Variants in NXPH1 observed in about 807,000 individuals in gnomAD.
The protein encoded by NXPH1 is neurexophilin 1, also known as neurexophilin-1.
A neutral mutation model predicts 23.7 loss-of-function variants in NXPH1; 5 were observed. That is an observed-to-expected ratio of 0.21 (90% CI 0.11 to 0.44). The LOEUF (loss-of-function observed/expected upper bound fraction) is 0.44. NXPH1 is among the 20% of genes least tolerant of loss of function. The pLI is 0.99. For synonymous variants in NXPH1, 144 were observed against 122.2 expected, an observed-to-expected ratio of 1.18 and a Z score of -1.18; for missense variants, 324 against 321.6, an observed-to-expected ratio of 1.01 and a Z score of -0.06.
In NXPH1 at chr7:8,541,428, T is replaced by C. The variant is rs144223708; in HGVS notation, c.54+105661T>C. On this transcript the variant is annotated intron_variant, in intron 2 of 2. Transcript: ENST00000405863. ...TTGGAAAGAAAGATATTTGAAGAAA[T>C]GATGCTTAAAATTGTTCCAATTTTG... is the stretch of plus-strand genomic sequence containing the variant. Among the ~76,000 whole-genome samples the C allele has an allele frequency of 3.6e-4, 55 of 151,654 alleles. No individual in the cohort carries two copies. The East Asian group carries it at 0.01, about 28-fold the overall frequency.
intron 2 of NXPH1, among the ~76,000 whole-genome samples, chr7:8,687,775 G>C (rs937681298): frequency 1.3e-5 from 2 of 152,110 alleles, no homozygotes; most frequent in Non-Finnish European, 2.9e-5. Flanking sequence ...TTCAAGGTTA[G>C]CTAGTATCAT....
intron 2 of NXPH1, among the ~76,000 whole-genome samples, chr7:8,514,313 T>C (rs116364326): frequency 6.6e-6 from 1 of 152,162 alleles, no homozygotes; most frequent in Non-Finnish European, 1.5e-5. Flanking sequence ...CCGACATTTT[T>C]AAAGCCTTAT....
intron 2 of NXPH1, among the ~76,000 whole-genome samples, chr7:8,441,511 G>A (rs746654599): frequency 2.0e-5 from 3 of 152,088 alleles, no homozygotes; most frequent in African/African-American, 7.2e-5. Context: ...GGATAAAAAG[G>A]TTCCGTTGTA....
At chr7:8,591,251 T>C (rs1337720599) in intron 2 of NXPH1, among the ~76,000 whole-genome samples, 1 of 152,084 alleles carries the variant, frequency 6.6e-6, no homozygotes, top group Non-Finnish European at 1.5e-5. Flanking sequence ...AAGATTGTTA[T>C]TCCTATTTTG....
At chr7:8,458,781 A>C (rs1299498386) in intron 2 of NXPH1, among the ~76,000 whole-genome samples, 4 of 152,190 alleles carry the variant, frequency 2.6e-5, no homozygotes, top group African/African-American at 9.7e-5. Context: ...AAAGAGAGAA[A>C]AGTAGGGTTT....
At chr7:8,508,679 C>T (rs144797435) in intron 2 of NXPH1, among the ~76,000 whole-genome samples, 102 of 152,024 alleles carry the variant, frequency 6.7e-4, no homozygotes, top group African/African-American at 2.3e-3. Context: ...TCCTGGAGTT[C>T]AGAGGCTACA....
chr7:8,718,039 G>A (rs1414880997), intron 2 of NXPH1, among the ~76,000 whole-genome samples: 1 of 151,928 alleles, frequency 6.6e-6, no homozygotes, highest in African/African-American at 2.4e-5. Context: ...ATACATTAAT[G>A]TATTTCTGGT....
intron 2 of NXPH1, among the ~76,000 whole-genome samples, chr7:8,448,308 G>A (rs1048131357): frequency 6.6e-6 from 1 of 152,190 alleles, no homozygotes; most frequent in Non-Finnish European, 1.5e-5. Flanking sequence ...AAAAAGTCTT[G>A]CTAACATTTT....
chr7:8,744,560 A>G (rs1263181062), intron 2 of NXPH1, among the ~76,000 whole-genome samples: 3 of 152,174 alleles, frequency 2.0e-5, no homozygotes, highest in African/African-American at 4.8e-5. Context: ...TTCTTGCACA[A>G]TACCATCTAC....
chr7:8,679,979 C>T (rs1417878553), intron 2 of NXPH1, among the ~76,000 whole-genome samples: 1 of 152,250 alleles, frequency 6.6e-6, no homozygotes, highest in East Asian at 1.9e-4. Flanking sequence ...AGAGATTGTG[C>T]CATTGCACTC....
rs191568754 is a variant in NXPH1 at position 8,495,044 on chromosome 7, T to C, written c.54+59277T>C. Among the ~76,000 whole-genome samples, 283 of 152,174 alleles carry C rather than the reference T, an allele frequency of 1.9e-3. 2 individuals are homozygous for C. Among genetic ancestry groups the C allele is most frequent in the African/African-American group, 6.5e-3 (272 of 41,540 alleles). On this transcript the variant is annotated intron_variant, in intron 2 of 2. Transcript: ENST00000405863. ...AAATGGAAGTTTCAGCAAGATATCA[T>C]GGATTAGTTAGGTTTCTCCAGAGTA...
chr7:8,690,952 A>G (rs1307895050), intron 2 of NXPH1, among the ~76,000 whole-genome samples: 1 of 152,128 alleles, frequency 6.6e-6, no homozygotes, highest in Non-Finnish European at 1.5e-5. Context: ...ATTTGAATGA[A>G]GTCTCCTCAA....
At chr7:8,662,686 A>G (rs1448106318) in intron 2 of NXPH1, among the ~76,000 whole-genome samples, 12 of 152,052 alleles carry the variant, frequency 7.9e-5, no homozygotes, top group Non-Finnish European at 1.6e-4. Context: ...TAGCAAGTAA[A>G]TAAGTATCAG....
intron 2 of NXPH1, among the ~76,000 whole-genome samples, chr7:8,476,461 T>G (rs1174760625): frequency 7.1e-6 from 1 of 141,372 alleles, no homozygotes; most frequent in Non-Finnish European, 1.5e-5. Context: ...CGCAATTCAT[T>G]TTTTTTTTTC....
At chr7:8,533,193 C>T (rs1346378744) in intron 2 of NXPH1, among the ~76,000 whole-genome samples, 1 of 152,104 alleles carries the variant, frequency 6.6e-6, no homozygotes, top group African/African-American at 2.4e-5. Context: ...ATATTTTACC[C>T]ACTATCATTA....
At chr7:8,713,918 A>G (rs1779836211) in intron 2 of NXPH1, among the ~76,000 whole-genome samples, 1 of 152,166 alleles carries the variant, frequency 6.6e-6, no homozygotes, top group African/African-American at 2.4e-5. Context: ...TCAAACCTGA[A>G]GCCAGCACAG....
intron 2 of NXPH1, among the ~76,000 whole-genome samples, chr7:8,555,871 A>G (rs143879770): frequency 6.6e-6 from 1 of 151,800 alleles, no homozygotes; most frequent in East Asian, 2.0e-4. Flanking sequence ...GAAGCATTTC[A>G]TATCTAAGCT....
chr7:8,626,523 C>T (rs1293222411), intron 2 of NXPH1, among the ~76,000 whole-genome samples: 1 of 151,708 alleles, frequency 6.6e-6, no homozygotes, highest in African/African-American at 2.4e-5. Context: ...CTTGAATTTT[C>T]ATTTTTTTTC....
intron 2 of NXPH1, among the ~76,000 whole-genome samples, chr7:8,446,791 AT>A (rs567584658): frequency 5.4e-4 from 81 of 149,306 alleles, no homozygotes; most frequent in East Asian, 9.8e-4. Flanking sequence ...GGAATGAAGC[AT>A]TTTTTTTTTC....
Sources: allele counts gnomAD v4.1 joint callset (sites outside exome capture counted in the v4.1 genomes callset), GRCh38; gene constraint gnomAD v4.1.1; transcripts MANE v1.5; gene names NCBI Gene and HGNC (gene_info 2026-07-23, HGNC 2026-07-21).